HS3ST5: variants seen among roughly 807,000 people sequenced by gnomAD.
The protein encoded by HS3ST5 is heparan sulfate glucosamine 3-O-sulfotransferase 5.
In HS3ST5, 10 loss-of-function variants were observed where a neutral mutation model predicts 25.4. The observed-to-expected ratio is 0.39, with a 90% CI of 0.24 to 0.67. The LOEUF (loss-of-function observed/expected upper bound fraction) is 0.67. Among genes scored for constraint, HS3ST5 ranks in the 30% least tolerant of loss-of-function variants. The pLI is 0.44. For synonymous variants in HS3ST5, 170 were observed against 162.4 expected (o/e 1.05, Z -0.36); for missense variants, 324 against 420.7 (o/e 0.77, Z 2.01).
chr6:114,159,136 T>G (rs186007113), intron 3 of HS3ST5, among the ~76,000 whole-genome samples: 10 of 152,296 alleles, frequency 6.6e-5, no homozygotes, highest in Non-Finnish European at 8.8e-5. Flanking sequence ...CCAAAGAACA[T>G]AACTAGTAAC....
chr6:114,330,133 T>A (rs1019366173), intron 1 of HS3ST5, among the ~76,000 whole-genome samples: 42 of 152,260 alleles, frequency 2.8e-4, no homozygotes, highest in African/African-American at 9.4e-4. Context: ...GATTTTTTTT[T>A]AAATGTTTAA....
At chr6:114,153,717 G>A (rs1778566902) in intron 3 of HS3ST5, among the ~76,000 whole-genome samples, 1 of 152,152 alleles carries the variant, frequency 6.6e-6, no homozygotes, top group Non-Finnish European at 1.5e-5. Context: ...CAAGTTCCTG[G>A]GGCCCTCTTT....
chr6:114,107,443 A>G (rs570082358), intron 3 of HS3ST5, among the ~76,000 whole-genome samples: 59 of 152,312 alleles, frequency 3.9e-4, no homozygotes, highest in Non-Finnish European at 7.4e-4. Flanking sequence ...ATACTTAATA[A>G]GACTTAATGC....
At chr6:114,213,301 C>T (rs1781598689) in intron 2 of HS3ST5, among the ~76,000 whole-genome samples, 1 of 116,116 alleles carries the variant, frequency 8.6e-6, no homozygotes, top group South Asian at 3.1e-4. Context: ...TGCTCTGCTG[C>T]CAGTAGAGCC....
At chr6:114,254,420 T>TA (rs1457005759) in intron 1 of HS3ST5, among the ~76,000 whole-genome samples, 10 of 152,210 alleles carry the variant, frequency 6.6e-5, no homozygotes, top group African/African-American at 2.4e-4. Flanking sequence ...GCTGAGGCTA[T>TA]AAAGTCCAAT....
intron 3 of HS3ST5, among the ~76,000 whole-genome samples, chr6:114,153,859 G>A (rs1329289171): frequency 2.0e-5 from 3 of 152,184 alleles, no homozygotes; most frequent in Admixed American, 6.5e-5. Context: ...TTGCAGATGA[G>A]GAAACTAAGA....
chr6:114,120,282 T>C (rs973977115), intron 3 of HS3ST5, among the ~76,000 whole-genome samples: 52 of 152,146 alleles, frequency 3.4e-4, no homozygotes, highest in African/African-American at 6.3e-4. Flanking sequence ...CTGATTTTTT[T>C]CCCCTAACTA....
intron 3 of HS3ST5, among the ~76,000 whole-genome samples, chr6:114,087,045 C>T (rs769219281): frequency 6.6e-6 from 1 of 152,182 alleles, no homozygotes; most frequent in Non-Finnish European, 1.5e-5. Flanking sequence ...AAGCCATGTT[C>T]TTCAGTGCTC....
chr6:114,287,378 G>A (rs1455294677), intron 1 of HS3ST5, among the ~76,000 whole-genome samples: 2 of 151,944 alleles, frequency 1.3e-5, no homozygotes, highest in East Asian at 3.9e-4. Flanking sequence ...CACATCTCCA[G>A]TAAGTGGAAA....
chr6:114,256,976 C>T (rs1772954418), intron 1 of HS3ST5, among the ~76,000 whole-genome samples: 1 of 152,168 alleles, frequency 6.6e-6, no homozygotes, highest in African/African-American at 2.4e-5. Flanking sequence ...GCAAAAGACA[C>T]CTCTTATATG....
At chr6:114,270,546 A>G (rs895723508) in intron 1 of HS3ST5, among the ~76,000 whole-genome samples, 6 of 152,208 alleles carry the variant, frequency 3.9e-5, no homozygotes, top group Non-Finnish European at 8.8e-5. Context: ...AACACTGCAG[A>G]AAGCTTCATT....
At chr6:114,286,494 G>A (rs1045543593) in intron 1 of HS3ST5, among the ~76,000 whole-genome samples, 10 of 151,852 alleles carry the variant, frequency 6.6e-5, no homozygotes, top group Non-Finnish European at 8.8e-5. Context: ...ATTTAAAAAC[G>A]ATTTAAATGG....
At chr6:114,257,184 A>G (rs1357694808) in intron 1 of HS3ST5, among the ~76,000 whole-genome samples, 1 of 152,224 alleles carries the variant, frequency 6.6e-6, no homozygotes, top group East Asian at 1.9e-4. Context: ...TTGGATGGGG[A>G]CACTGCCAAA....
At chr6:114,102,976 A>G (rs972753558) in intron 3 of HS3ST5, among the ~76,000 whole-genome samples, 1 of 152,196 alleles carries the variant, frequency 6.6e-6, no homozygotes, top group African/African-American at 2.4e-5. Flanking sequence ...GAGAATTTTC[A>G]AAATAAATTT....
At chr6:114,244,704 T>C (rs987277752) in intron 1 of HS3ST5, among the ~76,000 whole-genome samples, 2 of 152,182 alleles carry the variant, frequency 1.3e-5, no homozygotes, top group Non-Finnish European at 2.9e-5. Flanking sequence ...CTTATAGTTA[T>C]TTTTGTGGAA....
At chr6:114,161,886 T>A (rs1778991460) in intron 3 of HS3ST5, among the ~76,000 whole-genome samples, 2 of 151,866 alleles carry the variant, frequency 1.3e-5, no homozygotes, top group Non-Finnish European at 2.9e-5. Flanking sequence ...ACCCCCAAGT[T>A]ACTGGAAAAT....
chr6:114,335,595 T>C (rs539986023), intron 1 of HS3ST5, among the ~76,000 whole-genome samples: 2 of 152,158 alleles, frequency 1.3e-5, no homozygotes, highest in South Asian at 2.1e-4. Flanking sequence ...AGTGAACTTA[T>C]AAAGCGAGGC....
chr6:114,153,732 C>T (rs539113519), intron 3 of HS3ST5, among the ~76,000 whole-genome samples: 1 of 152,258 alleles, frequency 6.6e-6, no homozygotes, highest in South Asian at 2.1e-4. Flanking sequence ...CTCTTTTCTC[C>T]TCTCTTTTCC....
Position 114,342,838 on chromosome 6 carries a change from G to T in HS3ST5, c.-982C>A, listed in dbSNP as rs1776945667. On this transcript the variant is annotated 5_prime_UTR_variant, in exon 1 of 5. Transcript: ENST00000312719. ...TCGAGCCTCCGGTGCCAAGCTGTGCGGGCGCCCCGCTCCCCGCGGCTGGCG... is the reference window on the plus strand; with the variant it reads ...TCGAGCCTCCGGTGCCAAGCTGTGCTGGCGCCCCGCTCCCCGCGGCTGGCG... The T allele has an allele frequency of 1.3e-5, 2 of 152,738 alleles. No individual in the cohort carries two copies. Among genetic ancestry groups the T allele is most frequent in the East Asian group, 3.9e-4 (2 of 5,154 alleles). The allele number at this position is 152,738 out of a possible 1,614,324, so 9.5% of individuals were successfully genotyped here.
Sources: gnomAD v4.1 joint callset for allele counts (sites outside exome capture counted in the v4.1 genomes callset) on GRCh38, gnomAD v4.1.1 for gene constraint, MANE v1.5 for transcripts, NCBI Gene and HGNC (gene_info 2026-07-23, HGNC 2026-07-21) for gene names.